The following IGSF9 variants were observed in gnomAD, a reference collection of about 807,000 sequenced individuals.
The protein encoded by IGSF9 is immunoglobulin superfamily member 9, also known as protein turtle homolog A.
Under a neutral mutation model 121.7 loss-of-function variants are expected in IGSF9, and 87 were observed. The ratio of observed to expected loss-of-function variants is 0.71; its 90% CI spans 0.60 to 0.85. The LOEUF (loss-of-function observed/expected upper bound fraction) is 0.85, where lower values mean the gene tolerates loss of function less well. IGSF9 is among the 40% of genes least tolerant of loss of function. IGSF9 has a pLI of 0.00. For synonymous variants in IGSF9, 640 were observed against 648.4 expected (o/e 0.99, Z 0.20); for missense variants, 1,462 against 1,565.3 (o/e 0.93, Z 1.11).
chr1:159,939,731 C>T (rs998284601), intron 3 of IGSF9, among the ~76,000 whole-genome samples: 2 of 152,168 alleles, frequency 1.3e-5, no homozygotes, highest in South Asian at 2.1e-4. Flanking sequence ...TTGAGGCAGG[C>T]TTTGTGATCT....
chr1:159,937,829 C>CG lies in IGSF9; in HGVS notation c.256dup (p.Arg86ProfsTer11). 1 of 1,613,708 alleles carries CG rather than the reference C, an allele frequency of 6.2e-7. No individual in the cohort carries two copies. ...CTGGAGAGAGGCCCCCTTCTGCAGC[C>CG]GGACTCGTCCTGGGGGAGGAGCCCT... is the stretch of plus-strand genomic sequence containing the variant. On this transcript the variant is annotated frameshift_variant, in exon 4 of 21. Coordinates refer to ENST00000368094, the MANE Select transcript of IGSF9 (RefSeq NM_001135050.2). LOFTEE classifies it high-confidence loss of function.
chr1:159,930,615 G>A (rs1485013827), intron 14 of IGSF9, 77 bp downstream of exon 14: 1 of 1,588,606 alleles, frequency 6.3e-7, no homozygotes, highest in Admixed American at 1.7e-5. Flanking sequence ...TCCCACCCAG[G>A]GCCTCCCATA....
rs1340285043 is a variant in IGSF9, at chr1:159,931,295, G to A, written c.1514-34C>T. The A allele has an allele frequency of 1.2e-6, 2 of 1,613,788 alleles. No homozygotes were observed. Among genetic ancestry groups the A allele is most frequent in the South Asian group, 2.2e-5 (2 of 91,046 alleles). ...GGGGGAATGGAGGGATGGTGGTCAGGGCCTGAGGGAGTGTACAGAGTAGCA... is the reference window on the plus strand; with the variant it reads ...GGGGGAATGGAGGGATGGTGGTCAGAGCCTGAGGGAGTGTACAGAGTAGCA... On this transcript the variant is annotated intron_variant, in intron 12 of 20. Transcript: ENST00000368094. This position sits in a 1 kb window ranked among gnomAD's most constrained non-coding sequence, Gnocchi z 4.8.
chr1:159,934,806 C>T lies in IGSF9; in HGVS notation c.690G>A (p.Val230=). 6.2e-7 allele frequency: 1 copy of T among 1,614,076 alleles called. No individual in the cohort carries two copies. Among genetic ancestry groups the T allele is most frequent in the South Asian group, 1.1e-5 (1 of 91,084 alleles). ...QLLVLGPPVI[V]VPPKNSTVNA... is the part of the protein sequence containing the mutation. The stretch of plus-strand genomic sequence containing the variant: ...TGACTGTGCTGTTCTTGGGGGGCAC[C>T]ACGATGACTGGGGGTCCTGTGGGAT... The change falls in exon 7 of 21, where the codon GTG becomes GTA. Residue 230 remains valine (V), a synonymous_variant. Transcript: ENST00000368094.
intron 3 of IGSF9, among the ~76,000 whole-genome samples, chr1:159,942,647 A>C (rs1651424495): frequency 1.3e-5 from 2 of 152,190 alleles, no homozygotes; most frequent in Non-Finnish European, 2.9e-5. Flanking sequence ...TAGAAAAAGC[A>C]GTTACAGAAT....
Position 159,928,328 on chromosome 1 carries a change from G to A in IGSF9, c.3060C>T (p.Ser1020=), listed in dbSNP as rs1427321677. ...CTCGCCCACTGCTCTGGCTGGTGAG[G>A]CTGCCTCGAGGGGCAGCAGGGAGAA... is the stretch of plus-strand genomic sequence containing the variant. ...PGLLPAAPRG[S]LTSQSSGRGS... The change falls in exon 19 of 21, where the codon AGC becomes AGT. Residue 1020 remains serine, a synonymous_variant. Coordinates refer to ENST00000368094, the MANE Select transcript of IGSF9 (RefSeq NM_001135050.2). The A allele has an allele frequency of 1.2e-6, 2 of 1,609,872 alleles. No individual in the cohort carries two copies. Among genetic ancestry groups the A allele is most frequent in the Non-Finnish European group, 1.7e-6 (2 of 1,178,260 alleles).
chr1:159,943,176 A>G (rs1430527676), intron 2 of IGSF9, 25 bp from the exon 3 acceptor site: 1 of 1,572,888 alleles, frequency 6.4e-7, no homozygotes, highest in Admixed American at 2.0e-5. Flanking sequence ...GCATGAGGGC[A>G]CAACGGGGGG....
intron 9 of IGSF9, chr1:159,933,812 C>T: frequency 3.5e-6 from 1 of 287,448 alleles, no homozygotes; most frequent in Non-Finnish European, 6.7e-6. Flanking sequence ...ATGGATGCCT[C>T]CTTGCCCCTG....
rs138489374 is a variant in IGSF9, at chr1:159,932,533, A to G, written c.1224T>C (p.Pro408=). 15 of 1,613,648 alleles carry G rather than the reference A, an allele frequency of 9.3e-6. No homozygotes were observed. Among genetic ancestry groups the G allele is most frequent in the Non-Finnish European group, 1.3e-5 (15 of 1,179,828 alleles). Residue 408 remains proline (P), a synonymous_variant, in exon 10 of 21, where the codon CCT becomes CCC. Coordinates refer to ENST00000368094, the MANE Select transcript of IGSF9 (RefSeq NM_001135050.2). The surrounding 1 kb of genome is among the most constrained non-coding windows in gnomAD (Gnocchi z 4.1). The part of the protein sequence containing the change: ...YNSLGTAGPS[P]VTRVLLKAPP... Reference sequence around the variant, plus strand: ...TAACCTTGAGCAGCACGCGGGTCACAGGAGAGGGCCCGGCGGTACCAAGAC... The same window carrying G: ...TAACCTTGAGCAGCACGCGGGTCACGGGAGAGGGCCCGGCGGTACCAAGAC...
chr1:159,940,075 T>C lies in IGSF9; in HGVS notation c.248-2237A>G, dbSNP rs555889181. ...CATCTAATATTAGGCGTTGTCACCA[T>C]ATTTAATCCTCCCAAGAATTCCATT... On this transcript the variant is annotated intron_variant, in intron 3 of 20. Transcript: ENST00000368094. Among the ~76,000 whole-genome samples the C allele has an allele frequency of 2.6e-5, 4 of 152,360 alleles. No homozygotes were observed. In the East Asian group the frequency reaches 7.7e-4, roughly 29 times the overall value.
chr1:159,932,511 C>A lies in IGSF9; in HGVS notation c.1245+1G>T. ...AGGCCCCCGCCCACCCCCGGCCTAA[C>A]CTTGAGCAGCACGCGGGTCACAGGA... On this transcript the variant is annotated splice_donor_variant, in intron 10 of 20. Transcript: ENST00000368094. LOFTEE classifies it high-confidence loss of function. The surrounding 1 kb of genome is among the most constrained non-coding windows in gnomAD (Gnocchi z 4.1). 1 of 1,594,696 alleles carries A rather than the reference C, an allele frequency of 6.3e-7. No homozygotes were observed. Among genetic ancestry groups the A allele is most frequent in the Non-Finnish European group, 8.6e-7 (1 of 1,168,490 alleles).
At chr1:159,944,080 C>T (rs1651505923) in intron 1 of IGSF9, among the ~76,000 whole-genome samples, 1 of 152,148 alleles carries the variant, frequency 6.6e-6, no homozygotes, top group Non-Finnish European at 1.5e-5. Flanking sequence ...CAAGATGGAA[C>T]CAGTGCTGTC....
At chr1:159,944,053 C>T (rs1177937279) in intron 1 of IGSF9, among the ~76,000 whole-genome samples, 3 of 152,136 alleles carry the variant, frequency 2.0e-5, no homozygotes. Flanking sequence ...ACTCTTGATG[C>T]TCACAAGGTA....
Position 159,932,919 on chromosome 1 carries a change from T to A in IGSF9, c.1105-267A>T. 1 of 358,662 alleles carries A rather than the reference T, an allele frequency of 2.8e-6. No homozygotes were observed. The allele number at this position is 358,662 out of a possible 1,614,324, so 22.2% of individuals were successfully genotyped here. A position where few individuals can be genotyped will look rare whatever the true frequency, so the allele number is the denominator to read the frequency against. On this transcript the variant is annotated intron_variant, in intron 9 of 20. Transcript: ENST00000368094. The surrounding 1 kb of genome is among the most constrained non-coding windows in gnomAD (Gnocchi z 4.1). ...ACACTGTGAATGGCCACCCCTGTAG[T>A]TGGGCCGCGTGGGGCTTCCTGCCTG...
In IGSF9 at chr1:159,928,479, G is replaced by A. The variant is rs138505943; in HGVS notation, c.2909C>T (p.Pro970Leu). Reference protein sequence around the residue: ...RCPTSSFLRSPETPPVSPRES... With the variant: ...RCPTSSFLRSLETPPVSPRES... ...CCTGGGGGATACAGGAGGGGTTTCT[G>A]GAGAACGAAGGAAAGATGAGGTGGG... Residue 970 changes from proline (P) to leucine (L), a missense_variant, in exon 19 of 21, where the codon CCA becomes CTA. Physicochemically the swap from Pro to Leu is moderately conservative, Grantham distance 98 (BLOSUM62 -3). This residue lies in a region of IGSF9 where 808 missense variants were observed against 815.2 expected (regional missense o/e 0.99). Coordinates refer to ENST00000368094, the MANE Select transcript of IGSF9 (RefSeq NM_001135050.2). 2.9e-5 allele frequency: 46 copies of A among 1,586,586 alleles called. No homozygotes were observed. The African/African-American group carries it at 5.6e-4, about 19-fold the overall frequency.
Position 159,931,970 on chromosome 1 carries a change from T to A in IGSF9, c.1246-42A>T, listed in dbSNP as rs1571214135. 2 of 1,285,742 alleles carry A rather than the reference T, an allele frequency of 1.6e-6. No homozygotes were observed. Among genetic ancestry groups the A allele is most frequent in the East Asian group, 4.7e-5 (2 of 42,732 alleles). 79.6% of individuals were successfully genotyped at this position (1,285,742 alleles called of 1,614,324 possible). A position where few individuals can be genotyped will look rare whatever the true frequency, so the allele number is the denominator to read the frequency against. ...GCATTGGGAGGGGCCCTCTCTTACA[T>A]CTAAGGCTGGCTACTCCCTCTCTCT... On this transcript the variant is annotated intron_variant, in intron 10 of 20. Coordinates refer to ENST00000368094, the MANE Select transcript of IGSF9 (RefSeq NM_001135050.2). This position sits in a 1 kb window ranked among gnomAD's most constrained non-coding sequence, Gnocchi z 4.8.
Position 159,937,693 on chromosome 1 carries a change from T to C in IGSF9, c.393A>G (p.Thr131=). 1 of 1,613,498 alleles carries C rather than the reference T, an allele frequency of 6.2e-7. No homozygotes were observed. The highest frequency in any genetic ancestry group is 8.5e-7 in the Non-Finnish European group (1 of 1,179,570). The part of the protein sequence containing the change: ...DFANGSWVHL[T]VNSPPQFQET... ...TGCCCCCCAGCTTCATACAATTGAC[T>C]GTCAGATGCACCCAGGAGCCGTTAG... is the stretch of plus-strand genomic sequence containing the variant. The change falls in exon 4 of 21, where the codon ACA becomes ACG. Residue 131 remains threonine, a synonymous_variant. Transcript: ENST00000368094.
chr1:159,944,808 T>A (rs1372789733), intron 1 of IGSF9, among the ~76,000 whole-genome samples: 1 of 152,158 alleles, frequency 6.6e-6, no homozygotes, highest in African/African-American at 2.4e-5. Flanking sequence ...CTCTACTTAA[T>A]GATCCTGTAT....
chr1:159,936,966 T>C (rs1239091405), intron 4 of IGSF9, 58 bp from the exon 5 acceptor site: 20 of 1,576,108 alleles, frequency 1.3e-5, no homozygotes, highest in Non-Finnish European at 1.7e-5. Context: ...AAAAGCAGTG[T>C]CCAAGGGCCA....
Sources: gnomAD v4.1 joint callset for allele counts (sites outside exome capture counted in the v4.1 genomes callset) on GRCh38, gnomAD v4.1.1 for gene constraint, gnomAD v4.1.1 regional missense constraint, Gnocchi (gnomAD v3.1) non-coding constraint, MANE v1.5 for transcripts, NCBI Gene and HGNC (gene_info 2026-07-23, HGNC 2026-07-21) for gene names.